Variants in LIN54 observed in about 807,000 individuals in gnomAD.
LIN54 encodes the protein lin-54 DREAM MuvB core complex component.
A neutral mutation model predicts 78.7 loss-of-function variants in LIN54; 9 were observed. That is an observed-to-expected ratio of 0.11 (90% CI 0.07 to 0.20). LIN54 has a LOEUF of 0.20. Among genes scored for constraint, LIN54 ranks in the 10% least tolerant of loss-of-function variants. LIN54 has a pLI of 1.00. For missense variants in LIN54, 573 were observed against 889.9 expected (o/e 0.64, Z 4.53); for synonymous variants, 269 against 318.4 (o/e 0.84, Z 1.65).
chr4:82,957,332 A>G (rs1456528523), intron 4 of LIN54, among the ~76,000 whole-genome samples: 1 of 152,210 alleles, frequency 6.6e-6, no homozygotes, highest in Non-Finnish European at 1.5e-5. Flanking sequence ...ATTGATTCAT[A>G]AAGCTTGAAT....
intron 4 of LIN54, among the ~76,000 whole-genome samples, chr4:82,962,249 C>G (rs1300003244): frequency 2.0e-5 from 3 of 152,092 alleles, no homozygotes; most frequent in African/African-American, 7.2e-5. Context: ...TTGACCCAAT[C>G]CCACAGAACC....
chr4:83,007,553 G>A (rs1729503866), intron 1 of LIN54, among the ~76,000 whole-genome samples: 1 of 152,004 alleles, frequency 6.6e-6, no homozygotes, highest in Admixed American at 6.6e-5. Context: ...ATCTAAATTA[G>A]CTTCTCCTCC....
chr4:82,955,425 G>T (rs1244146020), intron 4 of LIN54, among the ~76,000 whole-genome samples: 1 of 82,006 alleles, frequency 1.2e-5, no homozygotes, highest in African/African-American at 4.0e-5. Flanking sequence ...ATAACATAAT[G>T]AACAGACAAG....
At chr4:82,985,470 T>C (rs1727044194) in intron 1 of LIN54, among the ~76,000 whole-genome samples, 1 of 152,224 alleles carries the variant, frequency 6.6e-6, no homozygotes, top group African/African-American at 2.4e-5. Flanking sequence ...TTTGACCAAC[T>C]AGCTTCATAC....
chr4:82,940,397 G>GT lies in LIN54; in HGVS notation c.1169-436dup, dbSNP rs375642563. ...GAGAATATATCATTCTTGGGTTTTTGTTTTTTTTTGAGACGGAGACTCACT... is the reference window on the plus strand; with the variant it reads ...GAGAATATATCATTCTTGGGTTTTTGTTTTTTTTTTGAGACGGAGACTCACT... On this transcript the variant is annotated intron_variant, in intron 5 of 12. Coordinates refer to ENST00000340417, the MANE Select transcript of LIN54 (RefSeq NM_194282.4). Among the ~76,000 whole-genome samples the GT allele has an allele frequency of 3.9e-4, 59 of 150,972 alleles. No homozygotes were observed. In the East Asian group the frequency reaches 4.7e-3, roughly 12 times the overall value.
Position 82,984,599 on chromosome 4 carries a change from A to G in LIN54, c.246T>C (p.Ile82=). The G allele has an allele frequency of 6.2e-7, 1 of 1,614,162 alleles. No homozygotes were observed. Among genetic ancestry groups the G allele is most frequent in the Non-Finnish European group, 8.5e-7 (1 of 1,180,024 alleles). The part of the protein sequence containing the change: ...HTNQVAVNTT[I]TKADSNTTVK... The stretch of plus-strand genomic sequence containing the variant: ...CTGTGGTATTAGAATCTGCTTTAGT[A>G]ATTGTGGTATTCACTGCAACTTGGT... Residue 82 remains isoleucine (I), a synonymous_variant, in exon 2 of 13, where the codon ATT becomes ATC. Coordinates refer to ENST00000340417, the MANE Select transcript of LIN54 (RefSeq NM_194282.4).
At chr4:82,983,009 T>A (rs1340331603) in intron 2 of LIN54, among the ~76,000 whole-genome samples, 1 of 21,730 alleles carries the variant, frequency 4.6e-5, no homozygotes, top group Non-Finnish European at 2.3e-4. Context: ...CATTTCTTGT[T>A]TTTTTTTTTT....
chr4:82,970,567 T>C (rs1337024077), intron 3 of LIN54, 98 bp from the exon 4 acceptor site: 1 of 1,121,890 alleles, frequency 8.9e-7, no homozygotes, highest in Non-Finnish European at 1.3e-6. Flanking sequence ...GCAGAATGTA[T>C]GTTTGTTATT....
intron 5 of LIN54, among the ~76,000 whole-genome samples, chr4:82,942,506 C>T (rs1722986619): frequency 6.6e-6 from 1 of 152,054 alleles, no homozygotes; most frequent in South Asian, 2.1e-4. Context: ...TGAAGTTGTT[C>T]CTGTTCTGTT....
intron 1 of LIN54, among the ~76,000 whole-genome samples, chr4:82,987,938 T>A (rs1727319750): frequency 6.6e-6 from 1 of 152,214 alleles, no homozygotes; most frequent in African/African-American, 2.4e-5. Flanking sequence ...TGGTTCTATA[T>A]CCTTGAGGAA....
chr4:82,952,454 C>A (rs573392068), intron 4 of LIN54, among the ~76,000 whole-genome samples: 1 of 152,182 alleles, frequency 6.6e-6, no homozygotes, highest in East Asian at 1.9e-4. Context: ...TGGCTACTGT[C>A]AAAAACAACT....
In LIN54 at chr4:82,983,763, T is replaced by G. The variant is rs1193845721; in HGVS notation, c.684+398A>C. Among the ~76,000 whole-genome samples, 3 of 152,018 alleles carry G rather than the reference T, an allele frequency of 2.0e-5. No individual in the cohort carries two copies. The East Asian group carries it at 5.8e-4, about 29-fold the overall frequency. On this transcript the variant is annotated intron_variant, in intron 2 of 12. Coordinates refer to ENST00000340417, the MANE Select transcript of LIN54 (RefSeq NM_194282.4). ...AGGGTTTCTCAGAGCAACAAAGTTC[T>G]CCTAGCCTTTGGCCATCTGTGAACT...
chr4:82,998,579 AAG>A (rs958331479), intron 1 of LIN54, among the ~76,000 whole-genome samples: 3 of 143,882 alleles, frequency 2.1e-5, no homozygotes, highest in Admixed American at 2.0e-4. Context: ...AGGGAAAGAA[AAG>A]AGAGAAAGAA....
chr4:82,927,812 G>A lies in LIN54; in HGVS notation c.*290C>T, dbSNP rs6830422. ...TTATATGAATTTATAAACATTTTTT[G>A]TCAAAGGTATCAGAAAGAGAACATC... On this transcript the variant is annotated 3_prime_UTR_variant, in exon 13 of 13. Transcript: ENST00000340417. 0.3 allele frequency: 89,668 copies of A among 298,522 alleles called. 15,729 individuals carry two copies. The highest frequency in any genetic ancestry group is 0.52 in the African/African-American group (23,856 of 45,982). The allele number at this position is 298,522 out of a possible 1,614,324, so 18.5% of individuals were successfully genotyped here.
intron 1 of LIN54, among the ~76,000 whole-genome samples, chr4:83,008,525 G>T (rs1401725187): frequency 6.6e-6 from 1 of 152,092 alleles, no homozygotes; most frequent in Non-Finnish European, 1.5e-5. Flanking sequence ...GGTGGCGGGC[G>T]CCTGTAGTCC....
rs965174374 is a variant in LIN54, at chr4:82,946,194, T to C, written c.1168+64A>G. 4.8e-5 allele frequency: 67 copies of C among 1,387,226 alleles called. No individual in the cohort carries two copies. In the Admixed American group the frequency reaches 9.8e-4, roughly 20 times the overall value. 85.9% of individuals were successfully genotyped at this position (1,387,226 alleles called of 1,614,324 possible). A position where few individuals can be genotyped will look rare whatever the true frequency, so the allele number is the denominator to read the frequency against. On this transcript the variant is annotated intron_variant, in intron 5 of 12. Coordinates refer to ENST00000340417, the MANE Select transcript of LIN54 (RefSeq NM_194282.4). ...TCTTCATCAGGATTTCAGCAAGAAA[T>C]GGACAAATGTTCTTTAATCATGTTA...
At chr4:83,002,579 C>G (rs1433680164) in intron 1 of LIN54, among the ~76,000 whole-genome samples, 1 of 151,932 alleles carries the variant, frequency 6.6e-6, no homozygotes, top group Non-Finnish European at 1.5e-5. Flanking sequence ...TCATCTACCT[C>G]CTCCACCTCT....
chr4:82,983,692 C>G lies in LIN54; in HGVS notation c.684+469G>C, dbSNP rs189721571. Among the ~76,000 whole-genome samples the G allele has an allele frequency of 6.6e-5, 10 of 152,052 alleles. No individual in the cohort carries two copies. In the East Asian group the frequency reaches 1.9e-3, roughly 29 times the overall value. On this transcript the variant is annotated intron_variant, in intron 2 of 12. Transcript: ENST00000340417. ...AATAATGGCAATGAACAGTAAACTC[C>G]AAATAAAAGGCACACGCTGGCTGAC...
intron 3 of LIN54, among the ~76,000 whole-genome samples, chr4:82,970,696 T>C (rs936875495): frequency 1.1e-4 from 17 of 152,228 alleles, no homozygotes; most frequent in Non-Finnish European, 2.2e-4. Context: ...AAAAACAGTT[T>C]AGTTCATGTG....
Sources: allele counts gnomAD v4.1 joint callset (sites outside exome capture counted in the v4.1 genomes callset), GRCh38; gene constraint gnomAD v4.1.1; transcripts MANE v1.5; gene names NCBI Gene and HGNC (gene_info 2026-07-23, HGNC 2026-07-21).